Variants in CARD14 observed in about 807,000 individuals in gnomAD.
The protein encoded by CARD14 is caspase recruitment domain-containing protein 14.
CARD14 carries 107 observed loss-of-function variants against 111.5 expected under a neutral mutation model. The ratio of observed to expected loss-of-function variants is 0.96; its 90% CI spans 0.82 to 1.13. CARD14 has a LOEUF of 1.13. CARD14 is among the 50% of genes most tolerant of loss of function. The pLI is 0.00. For synonymous variants in CARD14, 617 were observed against 579.6 expected, an observed-to-expected ratio of 1.06 and a Z score of -0.93; for missense variants, 1,322 against 1,362.3, an observed-to-expected ratio of 0.97 and a Z score of 0.47.
chr17:80,184,374 G>A (rs2040275186), intron 7 of CARD14, 136 bp downstream of exon 7: 1 of 798,594 alleles, frequency 1.3e-6, no homozygotes, highest in Non-Finnish European at 1.8e-6. Context: ...AGCCTTGGCT[G>A]AGACCCCTCT....
In CARD14 at chr17:80,183,928, C is replaced by T. The variant is rs1054063201; in HGVS notation, c.365C>T (p.Ser122Phe). The T allele has an allele frequency of 6.6e-7, 1 of 1,518,442 alleles. No individual in the cohort carries two copies. Among genetic ancestry groups the T allele is most frequent in the Non-Finnish European group, 8.8e-7 (1 of 1,132,050 alleles). 94.1% of individuals were successfully genotyped at this position (1,518,442 alleles called of 1,614,324 possible). A position where few individuals can be genotyped will look rare whatever the true frequency, so the allele number is the denominator to read the frequency against. Residue 122 changes from serine (S) to phenylalanine (F), a missense_variant, in exon 7 of 24, where the codon TCC (serine) becomes TTC (phenylalanine). Coordinates refer to ENST00000648509, the MANE Select transcript of CARD14 (RefSeq NM_001366385.1). ...CTGCCCACAGGTCTCATGGAGACATCCAAGCTGACCGAGTGCCTGGCTGGG... is the reference window on the plus strand; with the variant it reads ...CTGCCCACAGGTCTCATGGAGACATTCAAGCTGACCGAGTGCCTGGCTGGG... ...FSNFSGLMETSKLTECLAGAI... is the reference protein window; with the variant it reads ...FSNFSGLMETFKLTECLAGAI...
chr17:80,195,875 C>G lies in CARD14; in HGVS notation c.1594+223C>G. ...CGGCTGCGCTCTGTCTGCTGGTGTCCTTGTGTTTTTCCCTAGAGCCAGGGG... is the reference window on the plus strand; with the variant it reads ...CGGCTGCGCTCTGTCTGCTGGTGTCGTTGTGTTTTTCCCTAGAGCCAGGGG... On this transcript the variant is annotated intron_variant, in intron 14 of 23. Transcript: ENST00000648509. The surrounding 1 kb of genome is among the most constrained non-coding windows in gnomAD (Gnocchi z 4.7). The G allele has an allele frequency of 1.8e-6, 1 of 549,002 alleles. No individual in the cohort carries two copies. Among genetic ancestry groups the G allele is most frequent in the Non-Finnish European group, 3.2e-6 (1 of 308,782 alleles). The allele number at this position is 549,002 out of a possible 1,614,324, so 34.0% of individuals were successfully genotyped here. A position where few individuals can be genotyped will look rare whatever the true frequency, so the allele number is the denominator to read the frequency against.
chr17:80,195,265 G>GC lies in CARD14; in HGVS notation c.1437dup (p.Ser480GlnfsTer38), dbSNP rs780143594. On this transcript the variant is annotated frameshift_variant, in exon 13 of 24. Transcript: ENST00000648509. LOFTEE classifies it high-confidence loss of function. The surrounding 1 kb of genome is among the most constrained non-coding windows in gnomAD (Gnocchi z 4.7). ...ACAGCTTCCGCTCCAGCAGCCCCGCGCCCCCCAGCCAGCAGTCCCTGTACA... is the reference window on the plus strand; with the variant it reads ...ACAGCTTCCGCTCCAGCAGCCCCGCGCCCCCCCAGCCAGCAGTCCCTGTACA... The GC allele has an allele frequency of 2.5e-5, 40 of 1,612,024 alleles. No individual in the cohort carries two copies. In the South Asian group the frequency reaches 3.7e-4, roughly 15 times the overall value.
At chr17:80,205,378 G>A (rs895821216) in intron 21 of CARD14, 153 bp from the exon 22 acceptor site, 83 of 1,182,666 alleles carry the variant, frequency 7.0e-5, no homozygotes, top group South Asian at 1.2e-4. Context: ...GGCACAGAGC[G>A]GGGTGTGCAG....
At chr17:80,204,116 C>T (rs1297537339) in intron 19 of CARD14, 111 bp from the exon 20 acceptor site, 11 of 1,063,270 alleles carry the variant, frequency 1.0e-5, no homozygotes, top group Admixed American at 2.6e-5. Context: ...AGAGCATCTG[C>T]GCCTCTGCAT....
intron 23 of CARD14, among the ~76,000 whole-genome samples, chr17:80,207,292 TG>T (rs1369078445): frequency 1.3e-5 from 2 of 152,346 alleles, no homozygotes; most frequent in East Asian, 3.9e-4. Flanking sequence ...GGCTCACGCC[TG>T]TAATCCCAGC....
chr17:80,194,412 C>A (rs2040637197), intron 12 of CARD14, among the ~76,000 whole-genome samples: 1 of 152,164 alleles, frequency 6.6e-6, no homozygotes, highest in Admixed American at 6.5e-5. Context: ...TCAGACCTAC[C>A]CCACACATCT....
In CARD14 at chr17:80,198,416, G is replaced by A. The variant is rs779663754; in HGVS notation, c.1676G>A (p.Arg559Gln). ...GCCTGCAGCGGCGTCCTCATGCGGC[G>A]GAGGCCAGCCCGCAGGATCCTGAGC... ...DVSESGVLMR[R>Q]RPARRILSQV... is the part of the protein sequence containing the mutation. The change falls in exon 16 of 24, where the codon CGG (arginine) becomes CAG (glutamine). Residue 559 changes from arginine (R) to glutamine (Q), a missense_variant. By Grantham distance (43) the Arg-to-Gln change is conservative. Coordinates refer to ENST00000648509, the MANE Select transcript of CARD14 (RefSeq NM_001366385.1). The surrounding 1 kb of genome is among the most constrained non-coding windows in gnomAD (Gnocchi z 7.5). 1.5e-5 allele frequency: 24 copies of A among 1,605,162 alleles called. No homozygotes were observed. The highest frequency in any genetic ancestry group is 2.2e-5 in the East Asian group (1 of 44,652).
intron 16 of CARD14, chr17:80,200,887 G>C (rs1019681512): frequency 3.3e-5 from 5 of 152,290 alleles, no homozygotes; most frequent in African/African-American, 7.2e-5. Flanking sequence ...CACAGTTCAC[G>C]ATAGGGCTCA....
At chr17:80,207,204 G>A in intron 23 of CARD14, 119 bp downstream of exon 23, 1 of 653,938 alleles carries the variant, frequency 1.5e-6, no homozygotes, top group Non-Finnish European at 2.6e-6. Context: ...GGCGCTGACA[G>A]GGCCGTTTCC....
Position 80,195,118 on chromosome 17 carries a change from C to T in CARD14, c.1357-73C>T, listed in dbSNP as rs1598665353. The stretch of plus-strand genomic sequence containing the variant: ...GTTCTCACTGTGGCTCTCTCTACAC[C>T]GTGGGGGAGCAAGGGAGGAGTCTCA... On this transcript the variant is annotated intron_variant, in intron 12 of 23. Transcript: ENST00000648509. The surrounding 1 kb of genome is among the most constrained non-coding windows in gnomAD (Gnocchi z 4.7). The T allele has an allele frequency of 5.3e-6, 8 of 1,519,782 alleles. No individual in the cohort carries two copies. The highest frequency in any genetic ancestry group is 2.4e-4 in the Middle Eastern group (1 of 4,082). 94.1% of individuals were successfully genotyped at this position (1,519,782 alleles called of 1,614,324 possible).
intron 20 of CARD14, 70 bp from the exon 21 acceptor site, chr17:80,204,963 CCT>C: frequency 7.5e-7 from 1 of 1,340,484 alleles, no homozygotes; most frequent in Admixed American, 2.6e-5. Flanking sequence ...AGACCCAGTC[CCT>C]CCCGGGGCAG....
chr17:80,206,122 C>A (rs2041288969), intron 22 of CARD14, among the ~76,000 whole-genome samples: 1 of 152,146 alleles, frequency 6.6e-6, no homozygotes, highest in Non-Finnish European at 1.5e-5. Flanking sequence ...AGTGAAAAAT[C>A]AAAGGGATGG....
intron 22 of CARD14, among the ~76,000 whole-genome samples, chr17:80,206,293 G>A (rs8072651): frequency 0.49 from 73,014 of 150,528 alleles, 18,725 homozygotes; most frequent in Non-Finnish European, 0.58. Context: ...AGTGAGACCC[G>A]TCTCTAAAAA....
chr17:80,187,231 C>A (rs2040372250), intron 7 of CARD14, among the ~76,000 whole-genome samples: 1 of 152,226 alleles, frequency 6.6e-6, no homozygotes, highest in Non-Finnish European at 1.5e-5. Context: ...CAAATCGTTT[C>A]AGAATCACTC....
At chr17:80,187,428 C>T (rs758895775) in intron 7 of CARD14, among the ~76,000 whole-genome samples, 51 of 152,222 alleles carry the variant, frequency 3.4e-4, no homozygotes, top group Non-Finnish European at 6.3e-4. Context: ...GTGGTTATGG[C>T]GTCTGTTGGA....
intron 14 of CARD14, chr17:80,197,628 T>A (rs2040764438): frequency 5.4e-6 from 1 of 186,786 alleles, no homozygotes; most frequent in Non-Finnish European, 1.1e-5. Flanking sequence ...TGCAGGCCAG[T>A]CCTGAAATGC....
chr17:80,178,264 C>G (rs937658025), intron 2 of CARD14, among the ~76,000 whole-genome samples: 2 of 152,184 alleles, frequency 1.3e-5, no homozygotes, highest in African/African-American at 4.8e-5. Flanking sequence ...CCTGTCAACT[C>G]TCCTTGGTAG....
chr17:80,194,942 C>T (rs2040656456), intron 12 of CARD14, among the ~76,000 whole-genome samples: 1 of 152,166 alleles, frequency 6.6e-6, no homozygotes, highest in African/African-American at 2.4e-5. Context: ...ATCGTGAGAA[C>T]TAAGCCAAGC....
Sources: allele counts gnomAD v4.1 joint callset (sites outside exome capture counted in the v4.1 genomes callset), GRCh38; gene constraint gnomAD v4.1.1; non-coding constraint Gnocchi (gnomAD v3.1); transcripts MANE v1.5; gene names NCBI Gene and HGNC (gene_info 2026-07-23, HGNC 2026-07-21).